ETFB: variants seen among roughly 807,000 people sequenced by gnomAD.
ETFB encodes the protein beta-ETF.
ETFB carries 20 observed loss-of-function variants against 25.6 expected under a neutral mutation model. That is an observed-to-expected ratio of 0.78 (90% CI 0.55 to 1.14). The LOEUF (loss-of-function observed/expected upper bound fraction) is 1.14, where lower values mean the gene tolerates loss of function less well. Among genes scored for constraint, ETFB ranks in the 50% most tolerant of loss-of-function variants. The pLI, the probability that ETFB is intolerant of heterozygous loss-of-function variation, is 0.00. For synonymous variants in ETFB, 142 were observed against 146.7 expected (o/e 0.97, Z 0.23); for missense variants, 286 against 342.6 (o/e 0.83, Z 1.30).
chr19:51,354,681 T>A, intron 1 of ETFB: 3 of 1,600,984 alleles, frequency 1.9e-6, no homozygotes, highest in Non-Finnish European at 2.6e-6. Flanking sequence ...AATACACTGA[T>A]ACATAAATAC....
Position 51,345,356 on chromosome 19 carries a change from A to G in ETFB, c.623T>C (p.Val208Ala). The G allele has an allele frequency of 6.2e-7, 1 of 1,613,898 alleles. No individual in the cohort carries two copies. Among genetic ancestry groups the G allele is most frequent in the Non-Finnish European group, 8.5e-7 (1 of 1,179,966 alleles). The change falls in exon 6 of 6, where the codon GTG becomes GCG. Residue 208 changes from valine to alanine, a missense_variant. Transcript: ENST00000309244. ...CACACCCAGGTCCCCAGGCTTGATC[A>G]CCTCGATCTTCTTCTTCTTGGCTTT... ...IMKAKKKKIE[V>A]IKPGDLGVDL...
intron 1 of ETFB, among the ~76,000 whole-genome samples, chr19:51,362,420 A>T (rs930112628): frequency 2.0e-5 from 3 of 150,160 alleles, no homozygotes; most frequent in African/African-American, 7.4e-5. Flanking sequence ...TCTACTAAAA[A>T]TACAAAAATT....
intron 5 of ETFB, 75 bp downstream of exon 5, chr19:51,346,825 G>T: frequency 1.4e-6 from 2 of 1,442,640 alleles, no homozygotes; most frequent in South Asian, 1.2e-5. Context: ...CCCCACGTGC[G>T]ACCACCGGGG....
intron 1 of ETFB, chr19:51,356,498 T>C (rs1487420456): frequency 2.0e-5 from 3 of 152,164 alleles, no homozygotes; most frequent in Admixed American, 2.0e-4. Flanking sequence ...AAGACCTCTT[T>C]GCTAAACAGA....
At chr19:51,354,771 C>T in intron 1 of ETFB, 1 of 1,025,888 alleles carries the variant, frequency 9.7e-7, no homozygotes, top group Non-Finnish European at 1.4e-6. Context: ...CCTGAAAAAT[C>T]ACAGCTACAG....
At chr19:51,359,981 T>G (rs1306002933) in intron 1 of ETFB, among the ~76,000 whole-genome samples, 1 of 151,778 alleles carries the variant, frequency 6.6e-6, no homozygotes, top group Non-Finnish European at 1.5e-5. Context: ...ACTGTACCAC[T>G]CTAGCCTGGG....
rs1985748433 is a variant in ETFB, at chr19:51,345,399, T to C, written c.598-18A>G. ...TTGGCTTTCTGCACATGGGAAGCCATTGTTCACAGGGCTGTGGAACTCCTG... is the reference window on the plus strand; with the variant it reads ...TTGGCTTTCTGCACATGGGAAGCCACTGTTCACAGGGCTGTGGAACTCCTG... On this transcript the variant is annotated intron_variant, in intron 5 of 5. Coordinates refer to ENST00000309244, the MANE Select transcript of ETFB (RefSeq NM_001985.3). The C allele has an allele frequency of 6.2e-7, 1 of 1,613,684 alleles. No individual in the cohort carries two copies. Among genetic ancestry groups the C allele is most frequent in the East Asian group, 2.2e-5 (1 of 44,868 alleles).
intron 1 of ETFB, among the ~76,000 whole-genome samples, chr19:51,357,328 C>T (rs1208156273): frequency 1.3e-5 from 2 of 150,978 alleles, no homozygotes; most frequent in African/African-American, 2.4e-5. Context: ...CTCTCCTCGG[C>T]CTCCCAAAGT....
In ETFB at chr19:51,347,006, C is replaced by G. The variant is rs104894677; in HGVS notation, c.491G>C (p.Arg164Pro). ...GGTCTCCAGGCCCCCATCGATCTCC[C>G]GCTCCACTTTCAACTTGTCCCCCTC... Reference protein sequence around the residue: ...TLEGDKLKVEREIDGGLETLR... With the variant: ...TLEGDKLKVEPEIDGGLETLR... Residue 164 changes from arginine (R) to proline (P), a missense_variant, in exon 5 of 6, where the codon CGG (arginine) becomes CCG (proline). Coordinates refer to ENST00000309244, the MANE Select transcript of ETFB (RefSeq NM_001985.3). 2 of 1,612,794 alleles carry G rather than the reference C, an allele frequency of 1.2e-6. No homozygotes were observed. Among genetic ancestry groups the G allele is most frequent in the Admixed American group, 1.7e-5 (1 of 59,860 alleles).
chr19:51,356,749 C>T (rs1271666229), intron 1 of ETFB: 3 of 152,192 alleles, frequency 2.0e-5, no homozygotes, highest in Admixed American at 1.3e-4. Context: ...TAGAATCTTA[C>T]AGCTCTGGAG....
At position 51,350,399 on chromosome 19, in the gene ETFB, G is replaced by C; in HGVS notation, c.376-8C>G. ...ACAGTCATCATCGATGGCCTGAATG[G>C]GGAGAGACAGAAGACTGTATGACAA... On this transcript the variant is annotated splice_region_variant and splice_polypyrimidine_tract_variant and intron_variant, in intron 3 of 5. Coordinates refer to ENST00000309244, the MANE Select transcript of ETFB (RefSeq NM_001985.3). 7.3e-7 allele frequency: 1 copy of C among 1,371,690 alleles called. No homozygotes were observed. The highest frequency in any genetic ancestry group is 1.0e-6 in the Non-Finnish European group (1 of 963,624). The allele number at this position is 1,371,690 out of a possible 1,614,324, so 85.0% of individuals were successfully genotyped here. A position where few individuals can be genotyped will look rare whatever the true frequency, so the allele number is the denominator to read the frequency against.
chr19:51,364,070 G>A (rs1157306555), intron 1 of ETFB, among the ~76,000 whole-genome samples: 1 of 152,158 alleles, frequency 6.6e-6, no homozygotes, highest in Admixed American at 6.5e-5. Context: ...AGAGCAGGGT[G>A]AGCTCTGGGT....
At chr19:51,362,204 C>T (rs11881099) in intron 1 of ETFB, among the ~76,000 whole-genome samples, 17,511 of 146,184 alleles carry the variant, frequency 0.12, 1,688 homozygotes, top group African/African-American at 0.27. Context: ...CACACACACA[C>T]GAATACACTC....
intron 1 of ETFB, chr19:51,354,684 A>G (rs552987094): frequency 6.2e-7 from 1 of 1,602,856 alleles, no homozygotes; most frequent in African/African-American, 1.3e-5. Context: ...ACACTGATAC[A>G]TAAATACAAA....
rs1985793922 is a variant in ETFB at position 51,346,762 on chromosome 19, C to T, written c.597+138G>A. 17 of 831,680 alleles carry T rather than the reference C, an allele frequency of 2.0e-5. No individual in the cohort carries two copies. In the South Asian group the frequency reaches 2.9e-4, roughly 14 times the overall value. The allele number at this position is 831,680 out of a possible 1,614,324, so 51.5% of individuals were successfully genotyped here. Reference sequence around the variant, plus strand: ...GACCCAGCAAACTCTCTCTATCAGCCAAACTCCAGGTGACGGCTTCCTGTG... The same window carrying T: ...GACCCAGCAAACTCTCTCTATCAGCTAAACTCCAGGTGACGGCTTCCTGTG... On this transcript the variant is annotated intron_variant, in intron 5 of 5. Coordinates refer to ENST00000309244, the MANE Select transcript of ETFB (RefSeq NM_001985.3).
At position 51,346,837 on chromosome 19, in the gene ETFB, G is replaced by A. The variant is rs529540079; in HGVS notation, c.597+63C>T. ...CCTCCCCACGTGCGACCACCGGGGG[G>A]CACTGGGCTGGCAATGTGCTTGCCA... On this transcript the variant is annotated intron_variant, in intron 5 of 5. Coordinates refer to ENST00000309244, the MANE Select transcript of ETFB (RefSeq NM_001985.3). 552 of 1,486,988 alleles carry A rather than the reference G, an allele frequency of 3.7e-4. 1 individual carries two copies. The highest frequency in any genetic ancestry group is 8.9e-4 in the Middle Eastern group (4 of 4,502). 92.1% of individuals were successfully genotyped at this position (1,486,988 alleles called of 1,614,324 possible).
intron 1 of ETFB, among the ~76,000 whole-genome samples, chr19:51,364,903 G>T (rs1358470129): frequency 2.6e-5 from 4 of 151,994 alleles, no homozygotes; most frequent in Non-Finnish European, 5.9e-5. Flanking sequence ...TAATACAAAG[G>T]GTCGGCCAGG....
chr19:51,357,486 C>CTTTTTTTTTTTT lies in ETFB; in HGVS notation c.58-3179_58-3178insAAAAAAAAAAAA, dbSNP rs199903123. On this transcript the variant is annotated intron_variant, in intron 1 of 5. Coordinates refer to ENST00000309244, the MANE Select transcript of ETFB (RefSeq NM_001985.3). Reference sequence around the variant, plus strand: ...GCCCACCACAATCCTTTTTTTCTTTCTTTCTTTTTTTTTTTTTTTTTGAGA... The same window carrying CTTTTTTTTTTTT: ...GCCCACCACAATCCTTTTTTTCTTTCTTTTTTTTTTTTTTTCTTTTTTTTTTTTTTTTTGAGA... Among the ~76,000 whole-genome samples the CTTTTTTTTTTTT allele has an allele frequency of 1.5e-4, 15 of 100,790 alleles. 1 individual carries two copies. The highest frequency in any genetic ancestry group is 3.5e-4 in the South Asian group (1 of 2,852). The allele number at this position is 100,790 out of a possible 152,430, so 66.1% of individuals were successfully genotyped here.
In ETFB at chr19:51,354,520, T is replaced by G. The variant is rs143144671; in HGVS notation, c.58-212A>C. ...CTGTCTCCTTCTCTCATCCAGCCAT[T>G]CCTGGGTACCAGGGACATCTGACTT... On this transcript the variant is annotated intron_variant, in intron 1 of 5. Coordinates refer to ENST00000309244, the MANE Select transcript of ETFB (RefSeq NM_001985.3). The G allele has an allele frequency of 4.2e-3, 6,808 of 1,614,208 alleles. 17 individuals are homozygous for G. The highest frequency in any genetic ancestry group is 5.1e-3 in the Non-Finnish European group (6,077 of 1,180,050).
Sources: gnomAD v4.1 joint callset for allele counts (sites outside exome capture counted in the v4.1 genomes callset) on GRCh38, gnomAD v4.1.1 for gene constraint, MANE v1.5 for transcripts, NCBI Gene and HGNC (gene_info 2026-07-23, HGNC 2026-07-21) for gene names.